The following BNC2 variants were observed in gnomAD, a reference collection of about 807,000 sequenced individuals.
BNC2 encodes basonuclin zinc finger protein 2, also known as zinc finger protein basonuclin-2.
In BNC2, 20 loss-of-function variants were observed where a neutral mutation model predicts 76.3. That is an observed-to-expected ratio of 0.26 (90% CI 0.18 to 0.38). The LOEUF (loss-of-function observed/expected upper bound fraction) is 0.38, where lower values mean the gene tolerates loss of function less well. BNC2 is among the 10% of genes least tolerant of loss of function. The probability of loss-of-function intolerance (pLI) is 1.00; values close to 1 mark genes in which losing one functional copy is unlikely to be tolerated. For missense variants in BNC2, 1,382 were observed against 1,399.8 expected, an observed-to-expected ratio of 0.99 and a Z score of 0.20; for synonymous variants, 582 against 514.8, an observed-to-expected ratio of 1.13 and a Z score of -1.77.
At chr9:16,437,996 C>T (rs900807401) in intron 5 of BNC2, among the ~76,000 whole-genome samples, 2 of 152,166 alleles carry the variant, frequency 1.3e-5, no homozygotes, top group African/African-American at 2.4e-5. Flanking sequence ...CATAAGCAGA[C>T]ATGACACTGG....
chr9:16,601,328 C>A (rs1211006872), intron 3 of BNC2, among the ~76,000 whole-genome samples: 2 of 152,118 alleles, frequency 1.3e-5, no homozygotes, highest in Non-Finnish European at 2.9e-5. Context: ...ATTTGGCTCA[C>A]CCTACTCCTG....
intron 6 of BNC2, chr9:16,429,446 C>A (rs969418922): frequency 6.5e-6 from 1 of 153,514 alleles, no homozygotes; most frequent in Admixed American, 6.4e-5. Flanking sequence ...AAGATTCACA[C>A]CAATAAAGTC....
Position 16,843,957 on chromosome 9 carries a change from C to T in BNC2, c.3+26689G>A, listed in dbSNP as rs139278601. On this transcript the variant is annotated intron_variant, in intron 1 of 6. Coordinates refer to ENST00000380672, the MANE Select transcript of BNC2 (RefSeq NM_017637.6). Reference sequence around the variant, plus strand: ...TTTTTATCAAATTCTGGTTTTTACTCTTAGGTTTTTTGTTGTTGTTGTTGT... The same window carrying T: ...TTTTTATCAAATTCTGGTTTTTACTTTTAGGTTTTTTGTTGTTGTTGTTGT... Among the ~76,000 whole-genome samples the T allele has an allele frequency of 3.9e-3, 600 of 152,202 alleles. 4 individuals carry two copies. The highest frequency in any genetic ancestry group is 0.014 in the African/African-American group (584 of 41,520).
chr9:16,699,076 T>C, intron 3 of BNC2: 1 of 410,492 alleles, frequency 2.4e-6, no homozygotes, highest in Non-Finnish European at 4.8e-6. Flanking sequence ...ATTTTTAAGT[T>C]ACTTTTGGTT....
intron 1 of BNC2, among the ~76,000 whole-genome samples, chr9:16,803,647 T>A (rs923829220): frequency 1.3e-5 from 2 of 152,244 alleles, no homozygotes; most frequent in Admixed American, 6.5e-5. Flanking sequence ...ATGTTCCTGT[T>A]ATGGGCTACT....
intron 5 of BNC2, among the ~76,000 whole-genome samples, chr9:16,468,221 G>C (rs974878720): frequency 2.0e-5 from 3 of 151,084 alleles, no homozygotes; most frequent in Admixed American, 6.6e-5. Context: ...CTCATTTCTT[G>C]AGCATCACTT....
chr9:16,424,535 T>G (rs1820768650), intron 6 of BNC2, among the ~76,000 whole-genome samples: 3 of 152,212 alleles, frequency 2.0e-5, no homozygotes, highest in Admixed American at 6.5e-5. Context: ...TCACAAATTC[T>G]CAAATGATAT....
chr9:16,861,882 A>G (rs965282384), intron 1 of BNC2, among the ~76,000 whole-genome samples: 1 of 152,036 alleles, frequency 6.6e-6, no homozygotes, highest in South Asian at 2.1e-4. Context: ...CCAGCTACTC[A>G]GAAGGCTGAG....
At chr9:16,739,928 C>T (rs1371964869) in intron 1 of BNC2, among the ~76,000 whole-genome samples, 1 of 152,184 alleles carries the variant, frequency 6.6e-6, no homozygotes, top group Non-Finnish European at 1.5e-5. Context: ...GCAGATCATG[C>T]AGATAACCAG....
chr9:16,653,689 T>C (rs1821852204), intron 3 of BNC2, among the ~76,000 whole-genome samples: 1 of 152,096 alleles, frequency 6.6e-6, no homozygotes, highest in East Asian at 1.9e-4. Context: ...GTTCATCTGG[T>C]CGGCAGGGTG....
chr9:16,495,081 T>C (rs1156931955), intron 5 of BNC2, among the ~76,000 whole-genome samples: 1 of 152,170 alleles, frequency 6.6e-6, no homozygotes, highest in Non-Finnish European at 1.5e-5. Flanking sequence ...AAAGAACAGG[T>C]TGGCGGAGAG....
chr9:16,729,578 A>G (rs1340404848), intron 2 of BNC2, among the ~76,000 whole-genome samples: 1 of 152,168 alleles, frequency 6.6e-6, no homozygotes, highest in Non-Finnish European at 1.5e-5. Flanking sequence ...TAAGCACAAA[A>G]AAGTCTCAAA....
intron 1 of BNC2, among the ~76,000 whole-genome samples, chr9:16,799,149 A>T (rs545696160): frequency 6.6e-6 from 1 of 151,930 alleles, no homozygotes; most frequent in Non-Finnish European, 1.5e-5. Flanking sequence ...CAAGTAATAC[A>T]CTCTAGCTGT....
In BNC2 at chr9:16,724,509, T is replaced by C. The variant is rs191524585; in HGVS notation, c.330+3288A>G. Among the ~76,000 whole-genome samples the C allele has an allele frequency of 1.6e-3, 251 of 152,186 alleles. 1 individual carries two copies. The highest frequency in any genetic ancestry group is 3.0e-3 in the Non-Finnish European group (201 of 67,920). On this transcript the variant is annotated intron_variant, in intron 3 of 6. Transcript: ENST00000380672. ...TAATGTTCTCAAATACTCAGCTATATACATAGAAATAATTTGAGAAAATCA... is the reference window on the plus strand; with the variant it reads ...TAATGTTCTCAAATACTCAGCTATACACATAGAAATAATTTGAGAAAATCA...
chr9:16,858,984 G>A (rs1425884733), intron 1 of BNC2, among the ~76,000 whole-genome samples: 1 of 152,002 alleles, frequency 6.6e-6, no homozygotes, highest in Non-Finnish European at 1.5e-5. Context: ...TAGACATATA[G>A]ACAACTCTTA....
intron 3 of BNC2, among the ~76,000 whole-genome samples, chr9:16,602,826 A>C (rs1820281070): frequency 6.6e-6 from 1 of 152,218 alleles, no homozygotes; most frequent in South Asian, 2.1e-4. Context: ...TTCTGTTTTA[A>C]CTGCATCCAG....
At position 16,508,869 on chromosome 9, in the gene BNC2, C is replaced by CTGGG. The variant is rs1379815202; in HGVS notation, c.669+43657_669+43660dup. Among the ~76,000 whole-genome samples the CTGGG allele has an allele frequency of 2.0e-5, 3 of 149,342 alleles. No homozygotes were observed. In the East Asian group the frequency reaches 5.9e-4, roughly 30 times the overall value. On this transcript the variant is annotated intron_variant, in intron 5 of 6. Coordinates refer to ENST00000380672, the MANE Select transcript of BNC2 (RefSeq NM_017637.6). ...ACATTGTCTTGCTCTGTCACCGAGG[C>CTGGG]TGGGGTGCAGTGGCACAATTAGCTC... is the stretch of plus-strand genomic sequence containing the variant.
intron 1 of BNC2, among the ~76,000 whole-genome samples, chr9:16,845,565 C>T (rs1818954584): frequency 1.3e-5 from 2 of 151,660 alleles, no homozygotes; most frequent in South Asian, 2.1e-4. Context: ...ACTAAAAATA[C>T]AAAAAATTAG....
At chr9:16,783,783 A>G (rs967132975) in intron 1 of BNC2, among the ~76,000 whole-genome samples, 3 of 152,194 alleles carry the variant, frequency 2.0e-5, no homozygotes, top group African/African-American at 7.2e-5. Context: ...AGTAATTTCA[A>G]TGAAATCGCA....
Sources: allele counts gnomAD v4.1 joint callset (sites outside exome capture counted in the v4.1 genomes callset), GRCh38; gene constraint gnomAD v4.1.1; transcripts MANE v1.5; gene names NCBI Gene and HGNC (gene_info 2026-07-23, HGNC 2026-07-21).